Variants in TSHZ2 observed in about 807,000 individuals in gnomAD.
TSHZ2 encodes the protein teashirt zinc finger homeobox 2.
TSHZ2 carries 21 observed loss-of-function variants against 74.4 expected under a neutral mutation model. The observed-to-expected ratio is 0.28, with a 90% CI of 0.20 to 0.41. The LOEUF is 0.41. Ranked by LOEUF, TSHZ2 falls within the 10% of genes least tolerant of loss-of-function variation. TSHZ2 has a pLI of 1.00. For synonymous variants in TSHZ2, 540 were observed against 515.3 expected, an observed-to-expected ratio of 1.05 and a Z score of -0.65; for missense variants, 1,244 against 1,293.5, an observed-to-expected ratio of 0.96 and a Z score of 0.59.
intron 2 of TSHZ2, among the ~76,000 whole-genome samples, chr20:53,267,613 G>C (rs1990747244): frequency 6.6e-6 from 1 of 152,164 alleles, no homozygotes; most frequent in African/African-American, 2.4e-5. Context: ...CATGACTCTT[G>C]TAGTCATGTC....
chr20:53,412,260 C>G (rs932293162), intron 2 of TSHZ2, among the ~76,000 whole-genome samples: 2 of 152,192 alleles, frequency 1.3e-5, no homozygotes, highest in Non-Finnish European at 2.9e-5. Context: ...CCTCTGGTCT[C>G]CTCCCCAGCC....
intron 2 of TSHZ2, among the ~76,000 whole-genome samples, chr20:53,439,878 C>A (rs1309783766): frequency 6.6e-6 from 1 of 152,064 alleles, no homozygotes; most frequent in African/African-American, 2.4e-5. Flanking sequence ...AGTGCCTAAC[C>A]AAGAAGGTTT....
At chr20:53,322,088 G>A (rs1229353668) in intron 2 of TSHZ2, among the ~76,000 whole-genome samples, 1 of 152,162 alleles carries the variant, frequency 6.6e-6, no homozygotes, top group African/African-American at 2.4e-5. Context: ...GTGACCTTGG[G>A]CAGAAAGGAC....
At chr20:53,464,849 C>T (rs983965745) in intron 2 of TSHZ2, among the ~76,000 whole-genome samples, 2 of 152,060 alleles carry the variant, frequency 1.3e-5, no homozygotes, top group Non-Finnish European at 2.9e-5. Flanking sequence ...TCACTGCAGC[C>T]TTAAACTCCT....
At position 53,308,265 on chromosome 20, in the gene TSHZ2, T is replaced by A. The variant is rs927299422; in HGVS notation, c.*8+51694T>A. Among the ~76,000 whole-genome samples the A allele has an allele frequency of 2.6e-5, 4 of 152,224 alleles. No individual in the cohort carries two copies. In the South Asian group the frequency reaches 8.3e-4, roughly 32 times the overall value. ...ATTCAGTCCTTTTTGCAGTCTCTGC[T>A]TTCTTTCTTTGACCTCAAAAGGGCG... is the stretch of plus-strand genomic sequence containing the variant. On this transcript the variant is annotated intron_variant, in intron 2 of 2. Transcript: ENST00000371497.
At chr20:53,172,941 C>T (rs1988236257) in intron 1 of TSHZ2, among the ~76,000 whole-genome samples, 1 of 152,184 alleles carries the variant, frequency 6.6e-6, no homozygotes, top group Admixed American at 6.5e-5. Context: ...TTTGAATCTA[C>T]TTTGCATTTG....
At chr20:53,263,431 C>T (rs900425880) in intron 2 of TSHZ2, among the ~76,000 whole-genome samples, 2 of 152,194 alleles carry the variant, frequency 1.3e-5, no homozygotes, top group Non-Finnish European at 2.9e-5. Flanking sequence ...CCTGGAGGAC[C>T]CTAGCATGCC....
rs983839242 is a variant in TSHZ2, at chr20:53,316,987, T to G, written c.*8+60416T>G. 2.6e-5 allele frequency among the ~76,000 whole-genome samples: 4 copies of G among 152,240 alleles called. No homozygotes were observed. The South Asian group carries it at 6.2e-4, about 24-fold the overall frequency. The stretch of plus-strand genomic sequence containing the variant: ...TTAATGCTTCAGTGTTTTGGCTTAA[T>G]GCTGGCTTCAAGTAGTTCTTTTCAA... On this transcript the variant is annotated intron_variant, in intron 2 of 2. Transcript: ENST00000371497.
At chr20:53,205,878 T>A (rs750968796) in intron 1 of TSHZ2, among the ~76,000 whole-genome samples, 1 of 152,212 alleles carries the variant, frequency 6.6e-6, no homozygotes, top group Admixed American at 6.5e-5. Context: ...GCTGTGAGCC[T>A]GGTGAAGCCA....
intron 1 of TSHZ2, among the ~76,000 whole-genome samples, chr20:53,217,525 G>C (rs1368162838): frequency 6.6e-6 from 1 of 152,120 alleles, no homozygotes; most frequent in Non-Finnish European, 1.5e-5. Flanking sequence ...CAAACCCACA[G>C]ACAAATAATG....
chr20:53,008,980 CCTCTCTCTCTCTCT>C (rs55692015), intron 1 of TSHZ2, among the ~76,000 whole-genome samples: 5,589 of 130,466 alleles, frequency 0.043, 140 homozygotes, highest in Non-Finnish European at 0.056. Context: ...TTGTCTTTCT[CCTCTCTCTCTCTCT>C]CTCTCTCTCT....
chr20:53,142,493 C>T (rs772367006), intron 1 of TSHZ2, among the ~76,000 whole-genome samples: 13 of 152,216 alleles, frequency 8.5e-5, no homozygotes, highest in Non-Finnish European at 1.6e-4. Context: ...AGGTCTGAGT[C>T]ACGTGATGAG....
At chr20:53,324,215 G>A (rs1202259838) in intron 2 of TSHZ2, among the ~76,000 whole-genome samples, 1 of 152,110 alleles carries the variant, frequency 6.6e-6, no homozygotes, top group Non-Finnish European at 1.5e-5. Context: ...AGAGATATAT[G>A]AGTGAGGTTT....
At chr20:53,019,804 G>A (rs1002838482) in intron 1 of TSHZ2, among the ~76,000 whole-genome samples, 1 of 152,182 alleles carries the variant, frequency 6.6e-6, no homozygotes, top group African/African-American at 2.4e-5. Flanking sequence ...ACAAAGCATT[G>A]AGCACAGGGC....
intron 1 of TSHZ2, among the ~76,000 whole-genome samples, chr20:53,199,103 G>C (rs186233995): frequency 6.6e-6 from 1 of 152,130 alleles, no homozygotes. Flanking sequence ...TAAATAAAGC[G>C]TTCTATACAA....
At chr20:53,487,070 C>G (rs1003036367) in intron 2 of TSHZ2, 74 bp from the exon 3 acceptor site, 2 of 152,584 alleles carry the variant, frequency 1.3e-5, no homozygotes, top group African/African-American at 4.8e-5. Context: ...AAGGTGATCA[C>G]CCTGGGGAAA....
At chr20:53,341,813 C>A (rs1275503156) in intron 2 of TSHZ2, among the ~76,000 whole-genome samples, 1 of 152,038 alleles carries the variant, frequency 6.6e-6, no homozygotes, top group Admixed American at 6.6e-5. Flanking sequence ...CGGGTTCAAG[C>A]GATTCTCCTG....
intron 1 of TSHZ2, among the ~76,000 whole-genome samples, chr20:53,228,343 A>G (rs1212424566): frequency 6.6e-6 from 1 of 152,214 alleles, no homozygotes; most frequent in Non-Finnish European, 1.5e-5. Flanking sequence ...CACAACTTTC[A>G]GGACTAGAGC....
At position 53,255,871 on chromosome 20, in the gene TSHZ2, G is replaced by T; in HGVS notation, c.2413G>T (p.Ala805Ser). The T allele has an allele frequency of 6.2e-7, 1 of 1,612,614 alleles. No individual in the cohort carries two copies. ...IADMVKVLPK[A>S]TTPKPASSSR... ...CGACATGGTCAAAGTCCTCCCCAAAGCCACCACCCCAAAGCCAGCCTCCTC... is the reference window on the plus strand; with the variant it reads ...CGACATGGTCAAAGTCCTCCCCAAATCCACCACCCCAAAGCCAGCCTCCTC... The change falls in exon 2 of 3, where the codon GCC (alanine) becomes TCC (serine). Residue 805 changes from alanine (A) to serine (S), a missense_variant. Coordinates refer to ENST00000371497, the MANE Select transcript of TSHZ2 (RefSeq NM_173485.6). This position sits in a 1 kb window ranked among gnomAD's most constrained non-coding sequence, Gnocchi z 4.1.
Sources: allele counts gnomAD v4.1 joint callset (sites outside exome capture counted in the v4.1 genomes callset), GRCh38; gene constraint gnomAD v4.1.1; non-coding constraint Gnocchi (gnomAD v3.1); transcripts MANE v1.5; gene names NCBI Gene and HGNC (gene_info 2026-07-23, HGNC 2026-07-21).